The following DNAJA2 variants were observed in gnomAD, a reference collection of about 807,000 sequenced individuals.
DNAJA2 encodes DnaJ heat shock protein family (Hsp40) member A2, also known as dnaJ homolog subfamily A member 2.
In DNAJA2, 6 loss-of-function variants were observed where a neutral mutation model predicts 49.3. The ratio of observed to expected loss-of-function variants is 0.12; its 90% CI spans 0.07 to 0.24. The LOEUF is 0.24. Ranked by LOEUF, DNAJA2 falls within the 10% of genes least tolerant of loss-of-function variation. DNAJA2 has a pLI of 1.00. For missense variants in DNAJA2, 347 were observed against 516.8 expected (o/e 0.67, Z 3.19); for synonymous variants, 160 against 172.7 (o/e 0.93, Z 0.58).
At chr16:46,957,659 G>A (rs1421501342) in intron 8 of DNAJA2, among the ~76,000 whole-genome samples, 1 of 151,600 alleles carries the variant, frequency 6.6e-6, no homozygotes, top group Non-Finnish European at 1.5e-5. Flanking sequence ...CTAAGTAAAA[G>A]ATCACAAACT....
chr16:46,973,607 G>T lies in DNAJA2; in HGVS notation c.-35C>A. ...CCGGGCAGTGCTCGGGGAGAAGGTG[G>T]CGAAGCAGACAGAGCGGAGTCGGGC... is the stretch of plus-strand genomic sequence containing the variant. On this transcript the variant is annotated 5_prime_UTR_variant, in exon 1 of 9. Transcript: ENST00000317089. 6.3e-7 allele frequency: 1 copy of T among 1,584,430 alleles called. No homozygotes were observed.
intron 6 of DNAJA2, among the ~76,000 whole-genome samples, chr16:46,960,652 G>A (rs1454239787): frequency 3.9e-5 from 6 of 152,042 alleles, no homozygotes; most frequent in African/African-American, 9.7e-5. Context: ...GGTGGCACGC[G>A]CCTGTAGTCC....
intron 3 of DNAJA2, among the ~76,000 whole-genome samples, chr16:46,969,716 G>C (rs2143659986): frequency 6.6e-6 from 1 of 152,184 alleles, no homozygotes; most frequent in East Asian, 1.9e-4. Flanking sequence ...AAAAACCTGG[G>C]AATACCCTAT....
intron 3 of DNAJA2, among the ~76,000 whole-genome samples, chr16:46,969,476 G>C (rs1200057922): frequency 6.6e-6 from 1 of 152,158 alleles, no homozygotes; most frequent in Admixed American, 6.5e-5. Flanking sequence ...TCCTAAGCCA[G>C]AGAAAAATAC....
chr16:46,965,668 T>C (rs983988887), intron 5 of DNAJA2, among the ~76,000 whole-genome samples: 1 of 146,278 alleles, frequency 6.8e-6, no homozygotes, highest in East Asian at 2.1e-4. Flanking sequence ...CCGTCTCCAC[T>C]GAAAATACAA....
At chr16:46,963,896 C>T (rs1297079832) in intron 6 of DNAJA2, among the ~76,000 whole-genome samples, 1 of 152,120 alleles carries the variant, frequency 6.6e-6, no homozygotes, top group African/African-American at 2.4e-5. Context: ...GGTCCAACAC[C>T]CAGTGCCCTT....
intron 8 of DNAJA2, 129 bp from the exon 9 acceptor site, chr16:46,957,349 C>T (rs1961829663): frequency 7.0e-6 from 6 of 862,200 alleles, no homozygotes; most frequent in African/African-American, 1.7e-5. Flanking sequence ...GCTTATAATC[C>T]CACCCAGCAC....
chr16:46,961,152 T>C (rs921283246), intron 6 of DNAJA2, among the ~76,000 whole-genome samples: 7 of 152,148 alleles, frequency 4.6e-5, no homozygotes, highest in Admixed American at 4.6e-4. Flanking sequence ...ATCCCAGCAC[T>C]TTGGGAGGCT....
In DNAJA2 at chr16:46,973,474, GC is replaced by G. The variant is rs1180975023; in HGVS notation, c.78+20del. 6.3e-7 allele frequency: 1 copy of G among 1,587,384 alleles called. No individual in the cohort carries two copies. The highest frequency in any genetic ancestry group is 1.1e-5 in the South Asian group (1 of 88,462). On this transcript the variant is annotated intron_variant, in intron 1 of 8. Transcript: ENST00000317089. ...CGCAGGCCCCGCGCCCCTCACACCC[GC>G]CCGGCCCGCTCCCAGATACCTTCTT...
At chr16:46,962,619 G>A (rs1431666358) in intron 6 of DNAJA2, among the ~76,000 whole-genome samples, 2 of 152,182 alleles carry the variant, frequency 1.3e-5, no homozygotes, top group East Asian at 1.9e-4. Flanking sequence ...GGTGTGCACA[G>A]CAGCAAGACT....
At position 46,973,582 on chromosome 16, in the gene DNAJA2, C is replaced by T. The variant is rs1172755742; in HGVS notation, c.-10G>A. 1 of 1,590,874 alleles carries T rather than the reference C, an allele frequency of 6.3e-7. No individual in the cohort carries two copies. The stretch of plus-strand genomic sequence containing the variant: ...CAGCCACGTTAGCCATGGCGGCCGG[C>T]CGGGCAGTGCTCGGGGAGAAGGTGG... On this transcript the variant is annotated 5_prime_UTR_variant, in exon 1 of 9. Transcript: ENST00000317089.
chr16:46,971,871 A>G, intron 2 of DNAJA2, 25 bp downstream of exon 2: 1 of 1,592,946 alleles, frequency 6.3e-7, no homozygotes. Context: ...AAACCCCCGG[A>G]ATAAAAAAGG....
At chr16:46,958,061 G>T (rs1199233451) in intron 8 of DNAJA2, among the ~76,000 whole-genome samples, 2 of 152,214 alleles carry the variant, frequency 1.3e-5, no homozygotes, top group African/African-American at 4.8e-5. Flanking sequence ...GAAGTCGGCT[G>T]GGTGCAGTGG....
Position 46,957,019 on chromosome 16 carries a change from T to A in DNAJA2, c.*10A>T. 2 of 1,614,136 alleles carry A rather than the reference T, an allele frequency of 1.2e-6. No homozygotes were observed. The highest frequency in any genetic ancestry group is 1.3e-5 in the African/African-American group (1 of 75,050). On this transcript the variant is annotated 3_prime_UTR_variant, in exon 9 of 9. Coordinates refer to ENST00000317089, the MANE Select transcript of DNAJA2 (RefSeq NM_005880.4). ...AAAGAAAATCCACCTGTGCAATTTGTTTGCAGAGTTTACTGATGGGCACAC... is the reference window on the plus strand; with the variant it reads ...AAAGAAAATCCACCTGTGCAATTTGATTGCAGAGTTTACTGATGGGCACAC...
intron 8 of DNAJA2, among the ~76,000 whole-genome samples, chr16:46,957,978 TAAC>T (rs1310446039): frequency 6.6e-6 from 1 of 152,054 alleles, no homozygotes; most frequent in Non-Finnish European, 1.5e-5. Flanking sequence ...CCCCATTTCC[TAAC>T]AACTAGGAAA....
At chr16:46,968,847 A>G (rs1409825253) in intron 3 of DNAJA2, among the ~76,000 whole-genome samples, 1 of 152,134 alleles carries the variant, frequency 6.6e-6, no homozygotes, top group Non-Finnish European at 1.5e-5. Flanking sequence ...AGAGTTCAAG[A>G]CCAGCCTGAG....
chr16:46,971,534 A>C lies in DNAJA2; in HGVS notation c.177T>G (p.Asn59Lys). The change falls in exon 3 of 9, where the codon AAT (asparagine) becomes AAG (lysine). Residue 59 changes from asparagine (N) to lysine (K), a missense_variant. Asn to Lys is a moderately conservative substitution (Grantham distance 94, BLOSUM62 0). Coordinates refer to ENST00000317089, the MANE Select transcript of DNAJA2 (RefSeq NM_005880.4). The part of the protein sequence containing the change: ...EISFAYEVLS[N>K]PEKRELYDRY... ...TGTCATATAACTCACGCTTCTCAGG[A>C]TTTGATAGTACTTCATATGCAAAAC... The C allele has an allele frequency of 6.2e-7, 1 of 1,605,754 alleles. No homozygotes were observed. The highest frequency in any genetic ancestry group is 8.5e-7 in the Non-Finnish European group (1 of 1,177,926).
At chr16:46,959,815 A>AG (rs1380634520) in intron 6 of DNAJA2, among the ~76,000 whole-genome samples, 1 of 152,312 alleles carries the variant, frequency 6.6e-6, no homozygotes, top group African/African-American at 2.4e-5. Flanking sequence ...GTAACAGGGA[A>AG]GGGGGGAGGG....
intron 8 of DNAJA2, among the ~76,000 whole-genome samples, chr16:46,957,980 A>T (rs1414144098): frequency 1.1e-4 from 17 of 152,066 alleles, no homozygotes; most frequent in Admixed American, 1.1e-3. Flanking sequence ...CCATTTCCTA[A>T]CAACTAGGAA....
Sources: allele counts gnomAD v4.1 joint callset (sites outside exome capture counted in the v4.1 genomes callset), GRCh38; gene constraint gnomAD v4.1.1; transcripts MANE v1.5; gene names NCBI Gene and HGNC (gene_info 2026-07-23, HGNC 2026-07-21).